PTPRT: variants seen among roughly 807,000 people sequenced by gnomAD.
PTPRT encodes protein tyrosine phosphatase receptor type T, also known as receptor-type tyrosine-protein phosphatase T.
PTPRT carries 56 observed loss-of-function variants against 176.8 expected under a neutral mutation model. The observed-to-expected ratio is 0.32, with a 90% CI of 0.26 to 0.40. The LOEUF is 0.40. PTPRT is among the 10% of genes least tolerant of loss of function. PTPRT has a pLI of 1.00. For missense variants in PTPRT, 1,540 were observed against 1,908.2 expected, an observed-to-expected ratio of 0.81 and a Z score of 3.60; for synonymous variants, 783 against 739.0, an observed-to-expected ratio of 1.06 and a Z score of -0.96.
chr20:42,385,917 T>A (rs1034276723), intron 9 of PTPRT, among the ~76,000 whole-genome samples: 18 of 152,156 alleles, frequency 1.2e-4, no homozygotes, highest in African/African-American at 3.9e-4. Flanking sequence ...CAAGACCATA[T>A]CAGAAGGTTA....
At chr20:42,359,220 G>A (rs1434864792) in intron 9 of PTPRT, among the ~76,000 whole-genome samples, 2 of 152,198 alleles carry the variant, frequency 1.3e-5, no homozygotes, top group Admixed American at 1.3e-4. Flanking sequence ...GCAAGGGGAT[G>A]GAGGATTGAA....
At chr20:42,958,734 T>C (rs1036517587) in intron 1 of PTPRT, among the ~76,000 whole-genome samples, 9 of 152,178 alleles carry the variant, frequency 5.9e-5, no homozygotes, top group Admixed American at 5.2e-4. Context: ...CTGTTAATAA[T>C]TATACTGGGG....
chr20:42,312,661 TCGTTA>T (rs2057652226), intron 12 of PTPRT, among the ~76,000 whole-genome samples: 1 of 152,168 alleles, frequency 6.6e-6, no homozygotes, highest in African/African-American at 2.4e-5. Flanking sequence ...TGCCTGTGTT[TCGTTA>T]CTGGGAATCT....
rs566043556 is a variant in PTPRT, at chr20:43,175,302, C to T, written c.88+14344G>A. On this transcript the variant is annotated intron_variant, in intron 1 of 30. Transcript: ENST00000373187. ...TGTGATAAAGTTCTCTATTTCCCTT[C>T]TTCTGCATGATGCAGGGGTGTTAGG... Among the ~76,000 whole-genome samples, 34 of 152,380 alleles carry T rather than the reference C, an allele frequency of 2.2e-4. 1 individual carries two copies. The South Asian group carries it at 4.8e-3, about 21-fold the overall frequency.
chr20:43,106,929 T>C (rs954962753), intron 1 of PTPRT, among the ~76,000 whole-genome samples: 1 of 151,978 alleles, frequency 6.6e-6, no homozygotes, highest in African/African-American at 2.4e-5. Flanking sequence ...TAGCTGGGAA[T>C]ACAGGCATGC....
intron 9 of PTPRT, among the ~76,000 whole-genome samples, chr20:42,439,105 C>G (rs1320036845): frequency 6.6e-6 from 1 of 152,176 alleles, no homozygotes; most frequent in African/African-American, 2.4e-5. Context: ...GGCATCTAAC[C>G]AGGGATGCCT....
chr20:42,583,055 C>T (rs1161033554), intron 7 of PTPRT, among the ~76,000 whole-genome samples: 1 of 152,144 alleles, frequency 6.6e-6, no homozygotes, highest in Non-Finnish European at 1.5e-5. Flanking sequence ...CACATGAAGG[C>T]TCCCTTTCCT....
At chr20:42,459,335 G>T (rs961513109) in intron 8 of PTPRT, among the ~76,000 whole-genome samples, 3 of 152,194 alleles carry the variant, frequency 2.0e-5, no homozygotes, top group Non-Finnish European at 4.4e-5. Flanking sequence ...TGAAACTTCG[G>T]GTTTTTAATG....
chr20:42,918,451 T>C (rs942796403), intron 1 of PTPRT, among the ~76,000 whole-genome samples: 1 of 152,220 alleles, frequency 6.6e-6, no homozygotes, highest in Non-Finnish European at 1.5e-5. Flanking sequence ...TTAACCAATC[T>C]GACTGGATCA....
chr20:42,324,455 A>G (rs1050243903), intron 11 of PTPRT, among the ~76,000 whole-genome samples: 2 of 152,200 alleles, frequency 1.3e-5, no homozygotes, highest in African/African-American at 4.8e-5. Context: ...TGATAGTTGC[A>G]CGATCCTATA....
At chr20:42,883,843 C>T (rs1209050788) in intron 2 of PTPRT, among the ~76,000 whole-genome samples, 1 of 73,578 alleles carries the variant, frequency 1.4e-5, no homozygotes, top group Non-Finnish European at 2.9e-5. Context: ...CCCCCATACA[C>T]ATAGACACAC....
intron 6 of PTPRT, among the ~76,000 whole-genome samples, chr20:42,745,576 G>A (rs1389357649): frequency 6.6e-6 from 1 of 152,212 alleles, no homozygotes; most frequent in Non-Finnish European, 1.5e-5. Flanking sequence ...TCCAGGCAGA[G>A]GCTGCAGTGT....
intron 2 of PTPRT, among the ~76,000 whole-genome samples, chr20:42,851,087 G>A (rs1316606619): frequency 6.6e-6 from 1 of 152,078 alleles, no homozygotes; most frequent in African/African-American, 2.4e-5. Context: ...ATTCTCCACT[G>A]TTTCAAACAT....
intron 7 of PTPRT, among the ~76,000 whole-genome samples, chr20:42,657,781 T>C (rs1283004309): frequency 6.6e-6 from 1 of 152,172 alleles, no homozygotes; most frequent in Non-Finnish European, 1.5e-5. Context: ...AAAAAGCTAG[T>C]TTTGCTTCCA....
intron 1 of PTPRT, among the ~76,000 whole-genome samples, chr20:43,041,716 CAAGTG>C (rs1250239143): frequency 6.6e-6 from 1 of 152,220 alleles, no homozygotes; most frequent in African/African-American, 2.4e-5. Context: ...GTCATGCCAA[CAAGTG>C]TTGGCAAGCT....
chr20:42,197,150 C>T (rs370981698), intron 16 of PTPRT, among the ~76,000 whole-genome samples: 14 of 152,022 alleles, frequency 9.2e-5, no homozygotes, highest in South Asian at 4.2e-4. Context: ...GAGGCCGAGG[C>T]GGGCGGATTA....
intron 11 of PTPRT, among the ~76,000 whole-genome samples, chr20:42,323,117 C>T (rs181875767): frequency 9.9e-5 from 15 of 152,198 alleles, no homozygotes; most frequent in African/African-American, 3.4e-4. Flanking sequence ...ACAACAGGTG[C>T]TGGAGAGGAT....
chr20:43,020,110 G>GTGTGTA (rs1328800625), intron 1 of PTPRT, among the ~76,000 whole-genome samples: 2 of 124,568 alleles, frequency 1.6e-5, no homozygotes, highest in South Asian at 2.6e-4. Context: ...GTGTGTGTGT[G>GTGTGTA]TATATATATA....
At chr20:42,096,657 T>G (rs1361810931) in intron 27 of PTPRT, among the ~76,000 whole-genome samples, 1 of 152,070 alleles carries the variant, frequency 6.6e-6, no homozygotes, top group East Asian at 1.9e-4. Flanking sequence ...GGTGGGATCA[T>G]AGCTCACTTG....
Sources: allele counts gnomAD v4.1 joint callset (sites outside exome capture counted in the v4.1 genomes callset), GRCh38; gene constraint gnomAD v4.1.1; transcripts MANE v1.5; gene names NCBI Gene and HGNC (gene_info 2026-07-23, HGNC 2026-07-21).